Variants in UGT3A1 observed in about 807,000 individuals in gnomAD.
UGT3A1 encodes the protein UDP glycosyltransferase family 3 member A1.
In UGT3A1, 40 loss-of-function variants were observed where a neutral mutation model predicts 37.6. The ratio of observed to expected loss-of-function variants is 1.06; its 90% CI spans 0.83 to 1.38. The LOEUF (loss-of-function observed/expected upper bound fraction) is 1.38, where lower values mean the gene tolerates loss of function less well. Ranked by LOEUF, UGT3A1 falls within the 40% of genes most tolerant of loss-of-function variation. The probability of loss-of-function intolerance (pLI) is 0.00; values close to 1 mark genes in which losing one functional copy is unlikely to be tolerated. For missense variants in UGT3A1, 642 were observed against 634.2 expected (o/e 1.01, Z -0.13); for synonymous variants, 256 against 232.3 (o/e 1.10, Z -0.93).
intron 5 of UGT3A1, among the ~76,000 whole-genome samples, chr5:35,956,934 C>A (rs1397683075): frequency 1.3e-5 from 2 of 152,172 alleles, no homozygotes; most frequent in African/African-American, 4.8e-5. Context: ...TACATATCAC[C>A]TCTGGTTGGA....
chr5:35,972,084 G>T (rs1177321583), intron 2 of UGT3A1, among the ~76,000 whole-genome samples: 1 of 144,658 alleles, frequency 6.9e-6, no homozygotes, highest in Non-Finnish European at 1.5e-5. Context: ...GTCGTTCAAA[G>T]ATTTTTTTCC....
intron 4 of UGT3A1, among the ~76,000 whole-genome samples, chr5:35,963,227 C>G (rs1399361844): frequency 6.6e-6 from 1 of 152,208 alleles, no homozygotes; most frequent in Non-Finnish European, 1.5e-5. Context: ...ATGCCTGGAG[C>G]ATGGCCTCCC....
rs1739231629 is a variant in UGT3A1, at chr5:35,953,255, G to A, written c.*947C>T. 6.6e-6 allele frequency: 1 copy of A among 152,344 alleles called. No individual in the cohort carries two copies. The highest frequency in any genetic ancestry group is 1.5e-5 in the Non-Finnish European group (1 of 68,034). The allele number at this position is 152,344 out of a possible 1,614,324, so 9.4% of individuals were successfully genotyped here. On this transcript the variant is annotated 3_prime_UTR_variant, in exon 7 of 7. Coordinates refer to ENST00000274278, the MANE Select transcript of UGT3A1 (RefSeq NM_152404.4). ...TAAAAAAGAAAAGATATGGGCTATTGATGACATGATGGAGCAACCAACCAC... is the reference window on the plus strand; with the variant it reads ...TAAAAAAGAAAAGATATGGGCTATTAATGACATGATGGAGCAACCAACCAC...
intron 1 of UGT3A1, among the ~76,000 whole-genome samples, chr5:35,999,423 G>C (rs930918066): frequency 1.3e-5 from 2 of 152,062 alleles, no homozygotes; most frequent in Non-Finnish European, 2.9e-5. Flanking sequence ...TCCAGGAAAT[G>C]CCCATAAAAC....
In UGT3A1 at chr5:35,973,989, G is replaced by A. The variant is rs182934518; in HGVS notation, c.197-5856C>T. 5.5e-4 allele frequency among the ~76,000 whole-genome samples: 84 copies of A among 152,178 alleles called. 2 individuals are homozygous for A. In the South Asian group the frequency reaches 1.0e-2, roughly 18 times the overall value. The stretch of plus-strand genomic sequence containing the variant: ...TGTTACTTGATCAGTACAAGCAAAG[G>A]AGTCCTAAATAGATTAAACAAAAGT... On this transcript the variant is annotated intron_variant, in intron 2 of 6. Transcript: ENST00000274278.
intron 1 of UGT3A1, among the ~76,000 whole-genome samples, chr5:35,988,968 GTATGAAGGGTTCC>G (rs1447300956): frequency 3.3e-5 from 5 of 152,176 alleles, no homozygotes; most frequent in African/African-American, 1.2e-4. Flanking sequence ...GTGTACATTA[GTATGAAGGGTTCC>G]TAATGGGCAA....
intron 1 of UGT3A1, among the ~76,000 whole-genome samples, chr5:35,989,908 C>A (rs977445171): frequency 5.3e-5 from 8 of 152,200 alleles, no homozygotes; most frequent in Admixed American, 1.3e-4. Context: ...CACGGTTAAA[C>A]CCCGTCTCTA....
intron 2 of UGT3A1, among the ~76,000 whole-genome samples, chr5:35,977,029 A>G (rs1740307817): frequency 6.6e-6 from 1 of 151,284 alleles, no homozygotes; most frequent in Non-Finnish European, 1.5e-5. Flanking sequence ...AGAGAGAAAG[A>G]AAGAAAGAGA....
rs767486446 is a variant in UGT3A1 at position 35,952,098 on chromosome 5, G to C, written c.*2104C>G. 3 of 152,178 alleles carry C rather than the reference G, an allele frequency of 2.0e-5. No homozygotes were observed. The highest frequency in any genetic ancestry group is 4.4e-5 in the Non-Finnish European group (3 of 68,026). The allele number at this position is 152,178 out of a possible 1,614,324, so 9.4% of individuals were successfully genotyped here. A position where few individuals can be genotyped will look rare whatever the true frequency, so the allele number is the denominator to read the frequency against. ...AGTGAGCTCCATTTCAGGTGTAGTG[G>C]TCAGGCACAGGCTTACCAATGTGAA... is the stretch of plus-strand genomic sequence containing the variant. On this transcript the variant is annotated 3_prime_UTR_variant, in exon 7 of 7. Transcript: ENST00000274278.
At chr5:35,984,688 G>T (rs1740661204) in intron 2 of UGT3A1, among the ~76,000 whole-genome samples, 1 of 151,988 alleles carries the variant, frequency 6.6e-6, no homozygotes, top group African/African-American at 2.4e-5. Flanking sequence ...GGCCAGGCTG[G>T]TCTCAAACTC....
intron 1 of UGT3A1, among the ~76,000 whole-genome samples, chr5:35,999,700 T>C (rs1035795486): frequency 1.3e-5 from 2 of 152,260 alleles, no homozygotes; most frequent in African/African-American, 2.4e-5. Context: ...TAGTTTACTC[T>C]TGATGTGACA....
intron 4 of UGT3A1, among the ~76,000 whole-genome samples, chr5:35,964,322 C>CT (rs1377469913): frequency 2.6e-5 from 4 of 152,092 alleles, no homozygotes; most frequent in Non-Finnish European, 5.9e-5. Flanking sequence ...GAATCTTCTA[C>CT]TACACTAATC....
At chr5:35,998,448 A>C (rs1022527508) in intron 1 of UGT3A1, among the ~76,000 whole-genome samples, 3 of 152,206 alleles carry the variant, frequency 2.0e-5, no homozygotes, top group African/African-American at 7.2e-5. Flanking sequence ...CTAAACTGTC[A>C]TCATACTCAA....
In UGT3A1 at chr5:35,955,717, A is replaced by G. The variant is rs143483561; in HGVS notation, c.1223T>C (p.Val408Ala). 8.1e-6 allele frequency: 13 copies of G among 1,614,024 alleles called. No homozygotes were observed. The highest frequency in any genetic ancestry group is 2.7e-5 in the African/African-American group (2 of 74,880). ...TGTGACCTGATTCAACCGGATAGAG[A>G]CACCATAATTTTTGGCTACTACTCG... Reference protein sequence around the residue: ...MVRVVAKNYGVSIRLNQVTAD... With the variant: ...MVRVVAKNYGASIRLNQVTAD... The change falls in exon 6 of 7, where the codon GTC (valine) becomes GCC (alanine). Residue 408 changes from valine to alanine, a missense_variant. Physicochemically the swap from Val to Ala is moderately conservative, Grantham distance 64. Transcript: ENST00000274278.
intron 5 of UGT3A1, 106 bp from the exon 6 acceptor site, chr5:35,955,970 G>T: frequency 8.7e-7 from 1 of 1,151,756 alleles, no homozygotes; most frequent in Non-Finnish European, 1.2e-6. Flanking sequence ...AAGGTCTGTT[G>T]AGAAAATGAA....
chr5:35,957,851 G>A (rs1372979351), intron 4 of UGT3A1, among the ~76,000 whole-genome samples: 1 of 152,122 alleles, frequency 6.6e-6, no homozygotes, highest in Non-Finnish European at 1.5e-5. Context: ...TGCTGTTGTT[G>A]GGTGGAGTAT....
At position 35,998,616 on chromosome 5, in the gene UGT3A1, C is replaced by T. The variant is rs562113393; in HGVS notation, c.-159-1287G>A. Among the ~76,000 whole-genome samples, 3 of 152,214 alleles carry T rather than the reference C, an allele frequency of 2.0e-5. No homozygotes were observed. In the South Asian group the frequency reaches 6.2e-4, roughly 32 times the overall value. On this transcript the variant is annotated intron_variant, in intron 1 of 5. Coordinates refer to the UGT3A1 transcript ENST00000625798. ...TTGTAATGATTGACTGACTTGTTAC[C>T]CCCAGGGCAGACCTACAATAGATGC...
At chr5:35,981,430 A>G (rs980614115) in intron 2 of UGT3A1, among the ~76,000 whole-genome samples, 1 of 152,118 alleles carries the variant, frequency 6.6e-6, no homozygotes, top group Non-Finnish European at 1.5e-5. Flanking sequence ...GGAAATGACG[A>G]ACTTATTGGG....
At chr5:35,979,268 A>G (rs139819285) in intron 2 of UGT3A1, among the ~76,000 whole-genome samples, 2,941 of 152,204 alleles carry the variant, frequency 0.019, 39 homozygotes, top group Non-Finnish European at 0.03. Flanking sequence ...AGAAAATGAG[A>G]TTTTCTTTTC....
Sources: allele counts gnomAD v4.1 joint callset (sites outside exome capture counted in the v4.1 genomes callset), GRCh38; gene constraint gnomAD v4.1.1; transcripts MANE v1.5; gene names NCBI Gene and HGNC (gene_info 2026-07-23, HGNC 2026-07-21).